The following GLIS3 variants were observed in gnomAD, a reference collection of about 807,000 sequenced individuals.
The protein encoded by GLIS3 is GLIS family zinc finger 3.
GLIS3 carries 53 observed loss-of-function variants against 78.6 expected under a neutral mutation model. That is an observed-to-expected ratio of 0.67 (90% CI 0.54 to 0.85). The LOEUF (loss-of-function observed/expected upper bound fraction) is 0.85. Among genes scored for constraint, GLIS3 ranks in the 40% least tolerant of loss-of-function variants. The pLI, the probability that GLIS3 is intolerant of heterozygous loss-of-function variation, is 0.00. For synonymous variants in GLIS3, 684 were observed against 509.9 expected (o/e 1.34, Z -4.60); for missense variants, 1,703 against 1,231.1 (o/e 1.38, Z -5.74).
chr9:4,337,755 A>G (rs1288017657), intron 2 of GLIS3, among the ~76,000 whole-genome samples: 1 of 152,166 alleles, frequency 6.6e-6, no homozygotes, highest in Non-Finnish European at 1.5e-5. Flanking sequence ...TAGTAGCATA[A>G]TAGTAGAGGT....
chr9:3,959,285 G>A (rs1817376609), intron 4 of GLIS3, among the ~76,000 whole-genome samples: 1 of 152,190 alleles, frequency 6.6e-6, no homozygotes, highest in Non-Finnish European at 1.5e-5. Context: ...CATCAGCCAG[G>A]AAGTAGGCTC....
At chr9:4,326,262 ACAG>A (rs1817597776) in intron 2 of GLIS3, among the ~76,000 whole-genome samples, 1 of 152,250 alleles carries the variant, frequency 6.6e-6, no homozygotes, top group Non-Finnish European at 1.5e-5. Flanking sequence ...ACCAATGTTC[ACAG>A]CAGCATCATT....
chr9:4,442,156 A>T, the GLIS3 span, among the ~76,000 whole-genome samples: 1 of 152,070 alleles, frequency 6.6e-6, no homozygotes, highest in African/African-American at 2.4e-5. Context: ...CAAATTTTCT[A>T]TTTCTTCACA....
the GLIS3 span, among the ~76,000 whole-genome samples, chr9:4,374,397 C>T: frequency 1.1e-3 from 167 of 152,334 alleles, 1 homozygote; most frequent in Admixed American, 2.2e-3. Flanking sequence ...CTTGAAACTT[C>T]CACCTTATAG....
rs1817800316 is a variant in GLIS3, at chr9:3,827,691, T to C, written c.*581A>G. On this transcript the variant is annotated 3_prime_UTR_variant, in exon 11 of 11. Coordinates refer to ENST00000381971, the MANE Select transcript of GLIS3 (RefSeq NM_001042413.2). ...GATAGGCTGCTGGCATATAAAACCT[T>C]ATTTTTCTATTGAAGAGAAACACTG... 1 of 156,378 alleles carries C rather than the reference T, an allele frequency of 6.4e-6. No individual in the cohort carries two copies. The highest frequency in any genetic ancestry group is 1.4e-5 in the Non-Finnish European group (1 of 70,302). 9.7% of individuals were successfully genotyped at this position (156,378 alleles called of 1,614,324 possible).
intron 2 of GLIS3, among the ~76,000 whole-genome samples, chr9:4,217,565 C>T (rs1820966861): frequency 6.6e-6 from 1 of 152,176 alleles, no homozygotes; most frequent in Admixed American, 6.5e-5. Flanking sequence ...GTGTTTAAGG[C>T]AGGCTACTTG....
chr9:4,015,017 T>C (rs2130079250), intron 4 of GLIS3, among the ~76,000 whole-genome samples: 1 of 152,300 alleles, frequency 6.6e-6, no homozygotes, highest in Middle Eastern at 3.4e-3. Context: ...TGATAGATAA[T>C]AAACCATTAT....
At chr9:4,383,933 C>T in the GLIS3 span, among the ~76,000 whole-genome samples, 12 of 152,192 alleles carry the variant, frequency 7.9e-5, no homozygotes, top group African/African-American at 2.2e-4. Flanking sequence ...AGAGAGAGCA[C>T]GAACCCCTCA....
In GLIS3 at chr9:3,870,313, A is replaced by G. The variant is rs570184919; in HGVS notation, c.2297+9114T>C. On this transcript the variant is annotated intron_variant, in intron 8 of 10. Coordinates refer to ENST00000381971, the MANE Select transcript of GLIS3 (RefSeq NM_001042413.2). ...TACCAGAAAGAACTTTGGAAACCAT[A>G]CAAATACATGGAAATTAACATGCTC... Among the ~76,000 whole-genome samples, 11 of 152,362 alleles carry G rather than the reference A, an allele frequency of 7.2e-5. No homozygotes were observed. The East Asian group carries it at 1.5e-3, about 21-fold the overall frequency.
chr9:4,385,791 A>G, the GLIS3 span, among the ~76,000 whole-genome samples: 3 of 82,318 alleles, frequency 3.6e-5, no homozygotes, highest in Non-Finnish European at 7.1e-5. Context: ...GAAAGAAAGA[A>G]AGAAAGAAAG....
exon 4 of GLIS3, chr9:4,308,932 G>A (rs773054682): frequency 6.6e-6 from 1 of 152,186 alleles, no homozygotes; most frequent in African/African-American, 2.4e-5. Context: ...AGCAACTTTA[G>A]GGTAGTCACT....
chr9:4,127,949 A>G (rs1832701603), intron 2 of GLIS3, among the ~76,000 whole-genome samples: 1 of 152,212 alleles, frequency 6.6e-6, no homozygotes, highest in African/African-American at 2.4e-5. Flanking sequence ...TTATTTCATA[A>G]AACTAAAATG....
At chr9:4,159,085 T>G (rs1285722515) in intron 2 of GLIS3, among the ~76,000 whole-genome samples, 2 of 142,360 alleles carry the variant, frequency 1.4e-5, no homozygotes, top group African/African-American at 2.7e-5. Flanking sequence ...CAAGGGAGAA[T>G]GTGGTACCAG....
At chr9:3,997,080 G>A (rs1820801293) in intron 4 of GLIS3, among the ~76,000 whole-genome samples, 1 of 152,182 alleles carries the variant, frequency 6.6e-6, no homozygotes, top group Non-Finnish European at 1.5e-5. Flanking sequence ...GGGCGCGGTG[G>A]CTCACGCCTG....
chr9:4,469,172 T>C, the GLIS3 span, among the ~76,000 whole-genome samples: 1 of 152,072 alleles, frequency 6.6e-6, no homozygotes, highest in Non-Finnish European at 1.5e-5. Context: ...CTTAGACTCC[T>C]ACACAATAAT....
chr9:4,151,015 G>C (rs1834634650), intron 2 of GLIS3: 1 of 152,192 alleles, frequency 6.6e-6, no homozygotes. Context: ...TACACAATGA[G>C]CATTGGGTTG....
At chr9:4,201,219 C>A (rs1243774531) in intron 2 of GLIS3, among the ~76,000 whole-genome samples, 3 of 152,118 alleles carry the variant, frequency 2.0e-5, no homozygotes, top group African/African-American at 7.2e-5. Context: ...AAACTCACAG[C>A]CAATATCATA....
the GLIS3 span, among the ~76,000 whole-genome samples, chr9:4,432,352 C>A: frequency 6.6e-6 from 1 of 152,118 alleles, no homozygotes; most frequent in Admixed American, 6.5e-5. Context: ...AGGATCTTAA[C>A]AAACAGAAGT....
chr9:4,366,063 T>C, the GLIS3 span, among the ~76,000 whole-genome samples: 6 of 152,178 alleles, frequency 3.9e-5, no homozygotes, highest in African/African-American at 1.4e-4. Context: ...AACTTCGGAC[T>C]GATTTTGAGC....
Sources: allele counts gnomAD v4.1 joint callset (sites outside exome capture counted in the v4.1 genomes callset), GRCh38; gene constraint gnomAD v4.1.1; transcripts MANE v1.5; gene names NCBI Gene and HGNC (gene_info 2026-07-23, HGNC 2026-07-21).